AVEN: variants seen among roughly 807,000 people sequenced by gnomAD.
AVEN encodes cell death regulator Aven.
Under a neutral mutation model 38.1 loss-of-function variants are expected in AVEN, and 41 were observed. The observed-to-expected ratio is 1.08, with a 90% CI of 0.84 to 1.40. The LOEUF (loss-of-function observed/expected upper bound fraction) is 1.40. AVEN is among the 40% of genes most tolerant of loss of function. The pLI is 0.00. For missense variants in AVEN, 605 were observed against 438.8 expected, an observed-to-expected ratio of 1.38 and a Z score of -3.38; for synonymous variants, 206 against 171.8, an observed-to-expected ratio of 1.20 and a Z score of -1.56.
chr15:33,854,948 G>C (rs375195223), downstream of AVEN: 87 of 1,554,862 alleles, frequency 5.6e-5, no homozygotes, highest in Non-Finnish European at 7.1e-5. Flanking sequence ...GAATGGACCT[G>C]TATATGCACA....
Position 33,867,503 on chromosome 15 carries a change from T to C in AVEN, c.965A>G (p.Glu322Gly), listed in dbSNP as rs1032845259. 3 of 1,575,500 alleles carry C rather than the reference T, an allele frequency of 1.9e-6. No individual in the cohort carries two copies. The highest frequency in any genetic ancestry group is 2.6e-6 in the Non-Finnish European group (3 of 1,164,784). ...TAAAATGAAAGCCATACCTTCTTCC[T>C]CTTGGACCACCTCCCCATCTTCCTT... ...KSKEDGEVVQ[E>G]EEVCAKPSVT... Residue 322 changes from glutamate to glycine, a missense_variant, in exon 5 of 6, where the codon GAG (glutamate) becomes GGG (glycine). Coordinates refer to ENST00000306730, the MANE Select transcript of AVEN (RefSeq NM_020371.3).
In AVEN at chr15:33,866,305, G is replaced by A. The variant is rs925934958; in HGVS notation, c.*308C>T. On this transcript the variant is annotated 3_prime_UTR_variant, in exon 6 of 6. Transcript: ENST00000306730. Reference sequence around the variant, plus strand: ...ATTCTCTTAATCAGCAGCAGCATCTGCTATGCTGTAAACACTGGCTATGTT... The same window carrying A: ...ATTCTCTTAATCAGCAGCAGCATCTACTATGCTGTAAACACTGGCTATGTT... The A allele has an allele frequency of 5.9e-6, 2 of 341,248 alleles. No homozygotes were observed. The highest frequency in any genetic ancestry group is 4.4e-5 in the Admixed American group (1 of 22,716). 21.1% of individuals were successfully genotyped at this position (341,248 alleles called of 1,614,324 possible). A position where few individuals can be genotyped will look rare whatever the true frequency, so the allele number is the denominator to read the frequency against.
chr15:34,029,038 C>G (rs1038591339), intron 1 of AVEN, among the ~76,000 whole-genome samples: 2 of 152,122 alleles, frequency 1.3e-5, no homozygotes, highest in Admixed American at 6.5e-5. Context: ...CACAACTCTT[C>G]ACCTCTAATC....
intron 1 of AVEN, among the ~76,000 whole-genome samples, chr15:34,005,183 A>T (rs1243079110): frequency 6.6e-6 from 1 of 152,294 alleles, no homozygotes; most frequent in African/African-American, 2.4e-5. Flanking sequence ...TTTAAAAAAT[A>T]TTCTTCATCT....
intron 1 of AVEN, among the ~76,000 whole-genome samples, chr15:34,071,802 A>G (rs1473099799): frequency 6.6e-6 from 1 of 152,170 alleles, no homozygotes; most frequent in Non-Finnish European, 1.5e-5. Context: ...CTTTCTCCCT[A>G]AGAAACTAGA....
chr15:33,998,847 T>G (rs1358767690), intron 2 of AVEN, among the ~76,000 whole-genome samples: 1 of 152,212 alleles, frequency 6.6e-6, no homozygotes, highest in Non-Finnish European at 1.5e-5. Flanking sequence ...GACACTGTGG[T>G]GCCTGGGAAT....
At chr15:34,064,549 T>G (rs951381547) in intron 4 of AVEN, 1 of 570,180 alleles carries the variant, frequency 1.8e-6, no homozygotes, top group African/African-American at 1.9e-5. Context: ...GCCAGGGGAG[T>G]TTGCCAATGA....
At chr15:33,945,295 G>A (rs1409874444) in intron 2 of AVEN, among the ~76,000 whole-genome samples, 1 of 152,152 alleles carries the variant, frequency 6.6e-6, no homozygotes, top group Non-Finnish European at 1.5e-5. Context: ...AGAGAATCTG[G>A]TAAAATGGGC....
chr15:33,869,402 C>T (rs965657144), intron 4 of AVEN, among the ~76,000 whole-genome samples: 15 of 152,196 alleles, frequency 9.9e-5, no homozygotes, highest in African/African-American at 3.6e-4. Flanking sequence ...CTCACAACCA[C>T]TTCCTCTCTG....
intron 2 of AVEN, among the ~76,000 whole-genome samples, chr15:33,878,678 G>A (rs1017289296): frequency 6.6e-6 from 1 of 152,112 alleles, no homozygotes; most frequent in African/African-American, 2.4e-5. Flanking sequence ...AACGTTTGTA[G>A]CACATATTAT....
Position 34,039,016 on chromosome 15 carries a change from G to T in AVEN, c.31C>A (p.Arg11Ser). The T allele has an allele frequency of 8.9e-7, 1 of 1,120,846 alleles. No homozygotes were observed. The highest frequency in any genetic ancestry group is 1.1e-6 in the Non-Finnish European group (1 of 918,762). 69.4% of individuals were successfully genotyped at this position (1,120,846 alleles called of 1,614,324 possible). MQAERGARGGRGRRPGRGRPG... is the reference protein window; with the variant it reads MQAERGARGGSGRRPGRGRPG... Reference sequence around the variant, plus strand: ...CGGCCGCGGCCTGGCCGCCGCCCACGGCCTCCCCGAGCTCCTCGCTCCGCC... The same window carrying T: ...CGGCCGCGGCCTGGCCGCCGCCCACTGCCTCCCCGAGCTCCTCGCTCCGCC... The change falls in exon 1 of 6, where the codon CGT (arginine) becomes AGT (serine). Residue 11 changes from arginine to serine, a missense_variant. Coordinates refer to ENST00000306730, the MANE Select transcript of AVEN (RefSeq NM_020371.3).
At chr15:33,987,947 T>C (rs1896548599) in intron 2 of AVEN, among the ~76,000 whole-genome samples, 1 of 152,200 alleles carries the variant, frequency 6.6e-6, no homozygotes. Flanking sequence ...TCTCTGTGAC[T>C]GTCTACACAA....
chr15:34,071,496 G>A (rs774244883), intron 1 of AVEN, among the ~76,000 whole-genome samples: 6 of 151,852 alleles, frequency 4.0e-5, no homozygotes, highest in African/African-American at 7.3e-5. Context: ...GGATGGTCTC[G>A]AACTCCTGAG....
intron 2 of AVEN, among the ~76,000 whole-genome samples, chr15:33,934,617 C>T (rs1313688174): frequency 6.6e-6 from 1 of 152,114 alleles, no homozygotes; most frequent in Non-Finnish European, 1.5e-5. Context: ...AATGTCCTTG[C>T]TAGGAAGGAT....
chr15:33,865,347 A>C (rs1400084949), downstream of AVEN: 1 of 688,828 alleles, frequency 1.5e-6, no homozygotes, highest in Non-Finnish European at 2.4e-6. Context: ...CCTTAAAAAA[A>C]AAACTGCTGA....
chr15:33,920,898 C>T (rs1367273845), intron 2 of AVEN, among the ~76,000 whole-genome samples: 1 of 152,118 alleles, frequency 6.6e-6, no homozygotes, highest in East Asian at 1.9e-4. Context: ...GCCTCAGCCC[C>T]CCAAGCAGCT....
chr15:33,933,524 C>CACACACACACACACACACACACAGAGAG (rs1893945145), intron 2 of AVEN, among the ~76,000 whole-genome samples: 3 of 46,650 alleles, frequency 6.4e-5, no homozygotes, highest in Admixed American at 3.1e-4. Flanking sequence ...CACACACACA[C>CACACACACACACACACACACACAGAGAG]AGAGAGAGAG....
intron 2 of AVEN, among the ~76,000 whole-genome samples, chr15:33,886,032 T>A (rs1891684396): frequency 6.6e-6 from 1 of 152,182 alleles, no homozygotes; most frequent in Non-Finnish European, 1.5e-5. Flanking sequence ...GGCAATGAAG[T>A]CATAAGATCT....
chr15:34,027,840 AAAC>A (rs58773595), intron 1 of AVEN, among the ~76,000 whole-genome samples: 67,989 of 145,008 alleles, frequency 0.47, 18,965 homozygotes, highest in Non-Finnish European at 0.65. Context: ...AAAAAAAAAA[AAAC>A]TGACAAAAAC....
Sources: gnomAD v4.1 joint callset for allele counts (sites outside exome capture counted in the v4.1 genomes callset) on GRCh38, gnomAD v4.1.1 for gene constraint, MANE v1.5 for transcripts, NCBI Gene and HGNC (gene_info 2026-07-23, HGNC 2026-07-21) for gene names.